Variants in AK4 observed in about 807,000 individuals in gnomAD.
AK4 encodes adenylate kinase 4, also known as adenylate kinase 4, mitochondrial.
Under a neutral mutation model 24.6 loss-of-function variants are expected in AK4, and 13 were observed. That is an observed-to-expected ratio of 0.53 (90% CI 0.34 to 0.84). The LOEUF (loss-of-function observed/expected upper bound fraction) is 0.84. Ranked by LOEUF, AK4 falls within the 40% of genes least tolerant of loss-of-function variation. The pLI, the probability that AK4 is intolerant of heterozygous loss-of-function variation, is 0.01. For synonymous variants in AK4, 88 were observed against 107.0 expected (o/e 0.82, Z 1.10); for missense variants, 192 against 288.2 (o/e 0.67, Z 2.42).
chr1:65,159,237 C>T (rs1040628145), intron 1 of AK4, among the ~76,000 whole-genome samples: 6 of 152,272 alleles, frequency 3.9e-5, no homozygotes, highest in South Asian at 2.1e-4. Context: ...TTGCAGGGGG[C>T]GAAGCAACTG....
intron 1 of AK4, among the ~76,000 whole-genome samples, chr1:65,154,125 C>T (rs556252286): frequency 6.6e-6 from 1 of 152,096 alleles, no homozygotes; most frequent in Non-Finnish European, 1.5e-5. Flanking sequence ...CTCAGGTGAG[C>T]AAGAGGGAGA....
At chr1:65,207,416 T>C (rs552598799) in intron 2 of AK4, among the ~76,000 whole-genome samples, 1 of 152,248 alleles carries the variant, frequency 6.6e-6, no homozygotes, top group African/African-American at 2.4e-5. Flanking sequence ...CCCTGGGATC[T>C]ATAACTAGTG....
At chr1:65,150,155 G>T (rs1279406802) in intron 1 of AK4, among the ~76,000 whole-genome samples, 1 of 152,136 alleles carries the variant, frequency 6.6e-6, no homozygotes, top group East Asian at 1.9e-4. Flanking sequence ...TCCATCCTGG[G>T]ACTGGACTCA....
chr1:65,185,644 G>C (rs1405673665), intron 1 of AK4, among the ~76,000 whole-genome samples: 5 of 131,918 alleles, frequency 3.8e-5, no homozygotes, highest in Non-Finnish European at 6.2e-5. Flanking sequence ...TTTTTTTTGA[G>C]ATGGAGTCTT....
At chr1:65,165,140 C>T (rs1380917832) in intron 1 of AK4, among the ~76,000 whole-genome samples, 2 of 152,070 alleles carry the variant, frequency 1.3e-5, no homozygotes, top group Non-Finnish European at 2.9e-5. Flanking sequence ...AATGAAAACA[C>T]TTTTTTAAGA....
chr1:65,167,026 G>C (rs1480511286), intron 1 of AK4, among the ~76,000 whole-genome samples: 1 of 152,208 alleles, frequency 6.6e-6, no homozygotes, highest in African/African-American at 2.4e-5. Context: ...CAGCTACTCA[G>C]AGGGCTGAGG....
At chr1:65,185,299 A>G (rs1038944509) in intron 1 of AK4, among the ~76,000 whole-genome samples, 1 of 152,296 alleles carries the variant, frequency 6.6e-6, no homozygotes, top group South Asian at 2.1e-4. Context: ...AACAAGAGGA[A>G]CACCTTCAAT....
chr1:65,163,929 C>T (rs1378805644), intron 1 of AK4, among the ~76,000 whole-genome samples: 2 of 151,748 alleles, frequency 1.3e-5, no homozygotes, highest in East Asian at 3.9e-4. Context: ...CTTGTTGAGC[C>T]AGATTATGGG....
chr1:65,156,864 T>C (rs758986606), intron 1 of AK4, among the ~76,000 whole-genome samples: 28 of 148,094 alleles, frequency 1.9e-4, no homozygotes, highest in Non-Finnish European at 3.7e-4. Context: ...AGGCGGAGGT[T>C]GCAGTGAGCC....
chr1:65,205,483 C>T (rs1651784496), intron 2 of AK4, among the ~76,000 whole-genome samples: 1 of 152,170 alleles, frequency 6.6e-6, no homozygotes, highest in Non-Finnish European at 1.5e-5. Flanking sequence ...ATCTTCCTGC[C>T]TCAGCTCTCC....
Position 65,213,500 on chromosome 1 carries a change from A to G in AK4, c.266-5254A>G, listed in dbSNP as rs971877376. Among the ~76,000 whole-genome samples, 14 of 152,250 alleles carry G rather than the reference A, an allele frequency of 9.2e-5. 3 individuals carry two copies. Among genetic ancestry groups the G allele is most frequent in the Admixed American group, 2.0e-4 (3 of 15,294 alleles). On this transcript the variant is annotated intron_variant, in intron 2 of 4. Transcript: ENST00000327299. Reference sequence around the variant, plus strand: ...CAAGCTCTTAGAAAAAACCCAGAAAAGGAATTAAATGTGGGTGGATGAGGG... The same window carrying G: ...CAAGCTCTTAGAAAAAACCCAGAAAGGGAATTAAATGTGGGTGGATGAGGG...
intron 2 of AK4, among the ~76,000 whole-genome samples, chr1:65,204,984 C>T (rs549544761): frequency 1.3e-5 from 2 of 152,226 alleles, no homozygotes; most frequent in Non-Finnish European, 2.9e-5. Flanking sequence ...TTGTATGGTA[C>T]GTGAACTGTA....
intron 2 of AK4, among the ~76,000 whole-genome samples, chr1:65,216,350 C>T (rs1355505008): frequency 6.6e-6 from 1 of 152,124 alleles, no homozygotes; most frequent in African/African-American, 2.4e-5. Flanking sequence ...TCTCGAACTC[C>T]TAGCCTCAAG....
chr1:65,189,060 A>G (rs1239814340), intron 1 of AK4, among the ~76,000 whole-genome samples: 1 of 151,898 alleles, frequency 6.6e-6, no homozygotes, highest in African/African-American at 2.4e-5. Context: ...CAGCCTCCCA[A>G]GTAGCTGGGA....
At chr1:65,187,253 CAGG>C (rs1651130608) in intron 1 of AK4, among the ~76,000 whole-genome samples, 1 of 146,762 alleles carries the variant, frequency 6.8e-6, no homozygotes, top group Non-Finnish European at 1.5e-5. Flanking sequence ...GAGGCTGAGG[CAGG>C]AGAATGGTGT....
intron 1 of AK4, among the ~76,000 whole-genome samples, chr1:65,180,760 T>C (rs1352151398): frequency 6.6e-6 from 1 of 152,178 alleles, no homozygotes; most frequent in Non-Finnish European, 1.5e-5. Context: ...ATTATAAAGC[T>C]CTACAGTTCA....
At chr1:65,156,645 C>T (rs938209549) in intron 1 of AK4, among the ~76,000 whole-genome samples, 3 of 151,764 alleles carry the variant, frequency 2.0e-5, no homozygotes, top group Admixed American at 6.6e-5. Flanking sequence ...GAAAATTTGC[C>T]GGGCTCGGTG....
chr1:65,213,005 C>T (rs1438693224), intron 2 of AK4, among the ~76,000 whole-genome samples: 1 of 152,200 alleles, frequency 6.6e-6, no homozygotes, highest in Non-Finnish European at 1.5e-5. Flanking sequence ...AGTCCAGCTC[C>T]TTCCAAGGCA....
chr1:65,176,003 A>G (rs932298997), intron 1 of AK4, among the ~76,000 whole-genome samples: 2 of 152,150 alleles, frequency 1.3e-5, no homozygotes, highest in Non-Finnish European at 2.9e-5. Context: ...AGGACGTCCA[A>G]AATTTTTTGG....
Sources: allele counts gnomAD v4.1 joint callset (sites outside exome capture counted in the v4.1 genomes callset), GRCh38; gene constraint gnomAD v4.1.1; transcripts MANE v1.5; gene names NCBI Gene and HGNC (gene_info 2026-07-23, HGNC 2026-07-21).